Variants in INPP5B observed in about 807,000 individuals in gnomAD.
INPP5B encodes the protein inositol polyphosphate-5-phosphatase B, also known as type II inositol 1,4,5-trisphosphate 5-phosphatase.
Under a neutral mutation model 118.5 loss-of-function variants are expected in INPP5B, and 90 were observed. That is an observed-to-expected ratio of 0.76 (90% CI 0.64 to 0.90). INPP5B has a LOEUF of 0.90. Among genes scored for constraint, INPP5B ranks in the 40% least tolerant of loss-of-function variants. The pLI, the probability that INPP5B is intolerant of heterozygous loss-of-function variation, is 0.00. For missense variants in INPP5B, 984 were observed against 1,125.6 expected (o/e 0.87, Z 1.80); for synonymous variants, 385 against 418.9 (o/e 0.92, Z 0.99).
At chr1:37,890,854 AC>A (rs1165476259) in intron 8 of INPP5B, among the ~76,000 whole-genome samples, 1 of 152,178 alleles carries the variant, frequency 6.6e-6, no homozygotes, top group African/African-American at 2.4e-5. Context: ...AAAAGTACTT[AC>A]CTCTTAGGCT....
chr1:37,945,900 A>G, intron 2 of INPP5B, 50 bp from the exon 3 acceptor site: 1 of 1,536,498 alleles, frequency 6.5e-7, no homozygotes, highest in Admixed American at 1.7e-5. Context: ...GCCTCTCCCC[A>G]CCCAGGCTGT....
chr1:37,866,412 A>C (rs201292533), intron 21 of INPP5B, 47 bp downstream of exon 21: 1 of 620,104 alleles, frequency 1.6e-6, no homozygotes, highest in Admixed American at 2.6e-5. Flanking sequence ...TCTCTCACAC[A>C]CACACACACA....
In INPP5B at chr1:37,880,167, CA is replaced by C. The variant is rs1315968839; in HGVS notation, c.1458del (p.Val487SerfsTer50). 1 of 1,608,704 alleles carries C rather than the reference CA, an allele frequency of 6.2e-7. No homozygotes were observed. The highest frequency in any genetic ancestry group is 1.3e-5 in the African/African-American group (1 of 74,786). On this transcript the variant is annotated frameshift_variant, in exon 15 of 24. Coordinates refer to ENST00000373024, the MANE Select transcript of INPP5B (RefSeq NM_005540.3). LOFTEE classifies it high-confidence loss of function. ...TCACCCTCTGTGAAGCCTTCAAAGACAGTCTTTGCGGCCACCTGAATTTTCA... is the reference window on the plus strand; with the variant it reads ...TCACCCTCTGTGAAGCCTTCAAAGACGTCTTTGCGGCCACCTGAATTTTCA... ...DQLKIQVAAK[T>X]VFEGFTEGEL...
chr1:37,879,918 A>C (rs1047157268), intron 15 of INPP5B, among the ~76,000 whole-genome samples, 167 bp downstream of exon 15: 2 of 152,244 alleles, frequency 1.3e-5, no homozygotes, highest in African/African-American at 4.8e-5. Context: ...ATGGGAAAGA[A>C]GCCTGCTTCA....
intron 7 of INPP5B, among the ~76,000 whole-genome samples, chr1:37,901,574 C>T (rs77532933): frequency 0.065 from 9,844 of 152,192 alleles, 439 homozygotes; most frequent in Non-Finnish European, 0.1. Context: ...GGGTACATAG[C>T]GTACTGATGG....
At chr1:37,914,562 C>T (rs1294190667) in intron 7 of INPP5B, among the ~76,000 whole-genome samples, 1 of 152,196 alleles carries the variant, frequency 6.6e-6, no homozygotes, top group African/African-American at 2.4e-5. Flanking sequence ...TGCCTATTCA[C>T]TCCACCCCTG....
At chr1:37,922,712 T>C (rs1227934230) in intron 7 of INPP5B, among the ~76,000 whole-genome samples, 1 of 151,894 alleles carries the variant, frequency 6.6e-6, no homozygotes, top group Non-Finnish European at 1.5e-5. Flanking sequence ...ATAAATAAAA[T>C]AAAATAAAAT....
intron 5 of INPP5B, among the ~76,000 whole-genome samples, chr1:37,943,247 C>G (rs1183394161): frequency 1.3e-5 from 2 of 151,904 alleles, no homozygotes; most frequent in Non-Finnish European, 2.9e-5. Context: ...ATCTTGGCCC[C>G]CCCAAAGTGC....
intron 6 of INPP5B, 46 bp from the exon 7 acceptor site, chr1:37,932,099 G>C: frequency 1.3e-6 from 2 of 1,507,078 alleles, no homozygotes; most frequent in Non-Finnish European, 1.8e-6. Flanking sequence ...AGCTTGAAGA[G>C]CCGGCTCTGC....
chr1:37,891,646 T>C (rs189632958), intron 7 of INPP5B, among the ~76,000 whole-genome samples, 192 bp from the exon 8 acceptor site: 17 of 152,134 alleles, frequency 1.1e-4, no homozygotes, highest in Non-Finnish European at 1.5e-5. Flanking sequence ...TGGTGGTGCA[T>C]GCCTGTAATC....
chr1:37,937,898 G>GC (rs1645756185), intron 6 of INPP5B, among the ~76,000 whole-genome samples: 1 of 151,664 alleles, frequency 6.6e-6, no homozygotes, highest in Non-Finnish European at 1.5e-5. Flanking sequence ...AACCCCAGAG[G>GC]CGGAGGTTGT....
At chr1:37,921,678 C>T (rs1645059401) in intron 7 of INPP5B, among the ~76,000 whole-genome samples, 1 of 152,032 alleles carries the variant, frequency 6.6e-6, no homozygotes, top group South Asian at 2.1e-4. Context: ...GAAACCCTGT[C>T]TCTACTAAAA....
intron 23 of INPP5B, among the ~76,000 whole-genome samples, chr1:37,862,647 T>C (rs1036185379): frequency 2.6e-5 from 4 of 152,236 alleles, no homozygotes; most frequent in Non-Finnish European, 5.9e-5. Context: ...AGCATGTTAC[T>C]ATACTGAATA....
At chr1:37,878,443 C>A in intron 15 of INPP5B, 120 bp from the exon 16 acceptor site, 2 of 1,484,070 alleles carry the variant, frequency 1.3e-6, no homozygotes, top group South Asian at 2.6e-5. Context: ...GTGGCTAAGT[C>A]ATCTGAGGCA....
chr1:37,890,496 T>G (rs1418768373), intron 8 of INPP5B, among the ~76,000 whole-genome samples: 3 of 152,234 alleles, frequency 2.0e-5, no homozygotes, highest in African/African-American at 7.2e-5. Flanking sequence ...TTGTACTGTA[T>G]TTATAGTCGT....
intron 7 of INPP5B, among the ~76,000 whole-genome samples, chr1:37,901,225 A>G (rs1354770977): frequency 7.2e-5 from 11 of 152,216 alleles, no homozygotes; most frequent in Non-Finnish European, 1.0e-4. Flanking sequence ...AGTGCACAGC[A>G]GGCACTCTAT....
chr1:37,892,488 G>C (rs1570133400), intron 7 of INPP5B, among the ~76,000 whole-genome samples: 1 of 152,138 alleles, frequency 6.6e-6, no homozygotes, highest in Admixed American at 6.6e-5. Context: ...CTTGTCAACA[G>C]GGAACAACAT....
rs1646090603 is a variant in INPP5B at position 37,945,823 on chromosome 1, C to T, written c.85G>A (p.Asp29Asn). 6.2e-7 allele frequency: 1 copy of T among 1,614,002 alleles called. No individual in the cohort carries two copies. Among genetic ancestry groups the T allele is most frequent in the Non-Finnish European group, 8.5e-7 (1 of 1,180,002 alleles). ...IAVQGVLCEGDSRQSRLLGLV... is the reference protein window; with the variant it reads ...IAVQGVLCEGNSRQSRLLGLV... The stretch of plus-strand genomic sequence containing the variant: ...CCCAGGAGGCGGCTCTGCCGGCTGT[C>T]CCCCTCACACAGCACACCTTGCACC... The change falls in exon 3 of 24, where the codon GAC becomes AAC. Residue 29 changes from aspartate to asparagine, a missense_variant. Physicochemically the swap from Asp to Asn is conservative, Grantham distance 23. Around this residue, in one of 2 missense-constraint regions of INPP5B, gnomAD observed 350 missense variants for 334.6 expected, o/e 1.05. Transcript: ENST00000373024.
intron 7 of INPP5B, among the ~76,000 whole-genome samples, chr1:37,900,601 G>A (rs1232448763): frequency 6.8e-6 from 1 of 147,888 alleles, no homozygotes; most frequent in Non-Finnish European, 1.5e-5. Flanking sequence ...AGATCTCCAT[G>A]TTTACTTTGA....
Sources: gnomAD v4.1 joint callset for allele counts (sites outside exome capture counted in the v4.1 genomes callset) on GRCh38, gnomAD v4.1.1 for gene constraint, gnomAD v4.1.1 regional missense constraint, MANE v1.5 for transcripts, NCBI Gene and HGNC (gene_info 2026-07-23, HGNC 2026-07-21) for gene names.